HK2: variants seen among roughly 807,000 people sequenced by gnomAD.
HK2 encodes hexokinase-2.
In HK2, 42 loss-of-function variants were observed where a neutral mutation model predicts 92.9. That is an observed-to-expected ratio of 0.45 (90% CI 0.35 to 0.58). The LOEUF (loss-of-function observed/expected upper bound fraction) is 0.58. HK2 is among the 20% of genes least tolerant of loss of function. The pLI is 0.00. For missense variants in HK2, 978 were observed against 1,245.1 expected (o/e 0.79, Z 3.23); for synonymous variants, 422 against 468.0 (o/e 0.90, Z 1.27).
intron 11 of HK2, 111 bp downstream of exon 11, chr2:74,881,970 C>A: frequency 7.0e-7 from 1 of 1,432,160 alleles, no homozygotes; most frequent in Non-Finnish European, 9.8e-7. Context: ...TAGCTGGACC[C>A]AGGGCTGCAG....
At chr2:74,865,574 A>T (rs1688925803) in intron 2 of HK2, among the ~76,000 whole-genome samples, 1 of 152,058 alleles carries the variant, frequency 6.6e-6, no homozygotes, top group Non-Finnish European at 1.5e-5. Context: ...TCAGAGCTGG[A>T]GTGTCTGGAA....
chr2:74,881,312 A>T lies in HK2; in HGVS notation c.1571-399A>T, dbSNP rs148684419. On this transcript the variant is annotated intron_variant, in intron 10 of 17. Coordinates refer to ENST00000290573, the MANE Select transcript of HK2 (RefSeq NM_000189.5). ...AGCAGGCCAGTGTAGCACAGTTGTT[A>T]CAGGTTCCAGAGACAGACTGGGATT... Among the ~76,000 whole-genome samples the T allele has an allele frequency of 6.7e-3, 1,014 of 152,328 alleles. 17 individuals are homozygous for T. The highest frequency in any genetic ancestry group is 0.023 in the African/African-American group (971 of 41,560).
chr2:74,848,197 C>A (rs1346919055), intron 1 of HK2, among the ~76,000 whole-genome samples: 2 of 152,170 alleles, frequency 1.3e-5, no homozygotes, highest in Admixed American at 6.5e-5. Context: ...TGACACTTCC[C>A]ATGGGCTGCC....
intron 1 of HK2, among the ~76,000 whole-genome samples, chr2:74,836,011 T>A (rs1403181298): frequency 1.3e-5 from 2 of 152,108 alleles, no homozygotes; most frequent in Non-Finnish European, 2.9e-5. Flanking sequence ...GGCGGTTGAT[T>A]TACTTGGGTT....
rs1160249879 is a variant in HK2, at chr2:74,874,265, G to A, written c.692-1G>A. 1 of 1,614,068 alleles carries A rather than the reference G, an allele frequency of 6.2e-7. No individual in the cohort carries two copies. The highest frequency in any genetic ancestry group is 2.2e-5 in the East Asian group (1 of 44,894). Reference sequence around the variant, plus strand: ...TGCATAGCCGTCCCTTGTTTTGGCAGGCACGGGCAGCAACGCCTGCTACAT... The same window carrying A: ...TGCATAGCCGTCCCTTGTTTTGGCAAGCACGGGCAGCAACGCCTGCTACAT... On this transcript the variant is annotated splice_acceptor_variant, in intron 6 of 17. Transcript: ENST00000290573. LOFTEE classifies it high-confidence loss of function.
At chr2:74,842,515 C>T (rs1027549718) in intron 1 of HK2, among the ~76,000 whole-genome samples, 7 of 152,116 alleles carry the variant, frequency 4.6e-5, no homozygotes, top group African/African-American at 1.4e-4. Context: ...CTGCACCGTC[C>T]GCCTGGACAG....
At chr2:74,878,409 G>GTC (rs1689285884) in intron 8 of HK2, among the ~76,000 whole-genome samples, 1 of 113,570 alleles carries the variant, frequency 8.8e-6, no homozygotes, top group Admixed American at 8.2e-5. Flanking sequence ...AACTCCGTGT[G>GTC]TCTCTGTGTG....
rs1480075267 is a variant in HK2 at position 74,874,302 on chromosome 2, G to A, written c.728G>A (p.Arg243His). Reference protein sequence around the residue: ...GSNACYMEEMRHIDMVEGDEG... With the variant: ...GSNACYMEEMHHIDMVEGDEG... ...AACGCCTGCTACATGGAAGAGATGC[G>A]CCACATCGACATGGTGGAAGGCGAT... Residue 243 changes from arginine to histidine, a missense_variant, in exon 7 of 18, where the codon CGC (arginine) becomes CAC (histidine). Coordinates refer to ENST00000290573, the MANE Select transcript of HK2 (RefSeq NM_000189.5). 3 of 1,614,160 alleles carry A rather than the reference G, an allele frequency of 1.9e-6. No individual in the cohort carries two copies. The highest frequency in any genetic ancestry group is 8.5e-7 in the Non-Finnish European group (1 of 1,180,026).
chr2:74,858,893 G>A (rs1300835903), intron 2 of HK2, among the ~76,000 whole-genome samples: 2 of 151,686 alleles, frequency 1.3e-5, no homozygotes, highest in Non-Finnish European at 2.9e-5. Flanking sequence ...CCCCGTAGGG[G>A]TGAAATGTTC....
intron 2 of HK2, among the ~76,000 whole-genome samples, chr2:74,858,612 G>A (rs1355772161): frequency 6.6e-6 from 1 of 152,218 alleles, no homozygotes; most frequent in African/African-American, 2.4e-5. Flanking sequence ...CTAAGAAAAG[G>A]TGTGTAAGAC....
chr2:74,837,537 C>T (rs1266093959), intron 1 of HK2, among the ~76,000 whole-genome samples: 1 of 152,198 alleles, frequency 6.6e-6, no homozygotes, highest in East Asian at 1.9e-4. Context: ...TTTCTGGAGC[C>T]AGACTGGATC....
chr2:74,874,281 C>G lies in HK2; in HGVS notation c.707C>G (p.Ala236Gly). The G allele has an allele frequency of 6.2e-7, 1 of 1,614,140 alleles. No homozygotes were observed. Residue 236 changes from alanine to glycine, a missense_variant, in exon 7 of 18, where the codon GCC (alanine) becomes GGC (glycine). Ala to Gly is a moderately conservative substitution (Grantham distance 60). Transcript: ENST00000290573. ...IGLIVGTGSN[A>G]CYMEEMRHID... ...GTTTTGGCAGGCACGGGCAGCAACG[C>G]CTGCTACATGGAAGAGATGCGCCAC... is the stretch of plus-strand genomic sequence containing the variant.
At chr2:74,837,793 A>G (rs1307082007) in intron 1 of HK2, among the ~76,000 whole-genome samples, 1 of 149,506 alleles carries the variant, frequency 6.7e-6, no homozygotes, top group African/African-American at 2.5e-5. Flanking sequence ...CTCCTGCCTC[A>G]GCCTCCTGAG....
At chr2:74,852,048 C>T (rs187301504) in intron 1 of HK2, among the ~76,000 whole-genome samples, 6 of 152,268 alleles carry the variant, frequency 3.9e-5, no homozygotes, top group African/African-American at 1.2e-4. Flanking sequence ...GTGTGACTTC[C>T]CCTCTCTGTA....
intron 9 of HK2, among the ~76,000 whole-genome samples, chr2:74,879,248 G>T (rs1446003202): frequency 6.6e-6 from 1 of 152,140 alleles, no homozygotes; most frequent in African/African-American, 2.4e-5. Flanking sequence ...TCCTGCAGGT[G>T]CTATGTCCTC....
intron 11 of HK2, 38 bp from the exon 12 acceptor site, chr2:74,882,082 C>T: frequency 6.2e-7 from 1 of 1,606,896 alleles, no homozygotes; most frequent in Non-Finnish European, 8.5e-7. Flanking sequence ...CTGCCCTGCC[C>T]AGGGCCCCTC....
chr2:74,871,604 G>C (rs1689101428), intron 3 of HK2, among the ~76,000 whole-genome samples: 1 of 152,148 alleles, frequency 6.6e-6, no homozygotes, highest in African/African-American at 2.4e-5. Flanking sequence ...GTGCGGTCAC[G>C]GTTGTGAGGC....
chr2:74,843,780 A>AT (rs1308361757), intron 1 of HK2, among the ~76,000 whole-genome samples: 2 of 152,206 alleles, frequency 1.3e-5, no homozygotes, highest in African/African-American at 4.8e-5. Context: ...TTAGGGTTAA[A>AT]TGAGGGCATT....
intron 1 of HK2, among the ~76,000 whole-genome samples, chr2:74,838,791 G>A (rs1426980135): frequency 2.6e-5 from 4 of 152,146 alleles, no homozygotes; most frequent in South Asian, 4.1e-4. Context: ...GCCTGACTCC[G>A]CCTCCCAAAG....
Sources: allele counts gnomAD v4.1 joint callset (sites outside exome capture counted in the v4.1 genomes callset), GRCh38; gene constraint gnomAD v4.1.1; transcripts MANE v1.5; gene names NCBI Gene and HGNC (gene_info 2026-07-23, HGNC 2026-07-21).